The following FRMD4B variants were observed in gnomAD, a reference collection of about 807,000 sequenced individuals.
FRMD4B encodes FERM domain containing 4B, also known as FERM domain-containing protein 4B.
A neutral mutation model predicts 141.5 loss-of-function variants in FRMD4B; 74 were observed. The observed-to-expected ratio is 0.52, with a 90% CI of 0.43 to 0.63. The LOEUF is 0.63. FRMD4B is among the 30% of genes least tolerant of loss of function. The pLI is 0.00. For synonymous variants in FRMD4B, 506 were observed against 467.9 expected, an observed-to-expected ratio of 1.08 and a Z score of -1.05; for missense variants, 1,366 against 1,253.4, an observed-to-expected ratio of 1.09 and a Z score of -1.36.
chr3:69,245,317 T>TTGTG (rs67220182), intron 7 of FRMD4B, among the ~76,000 whole-genome samples: 1,493 of 143,052 alleles, frequency 0.01, 15 homozygotes, highest in Non-Finnish European at 0.018. Context: ...CTGACTTTCT[T>TTGTG]TGTGTGTGTG....
chr3:69,471,222 C>T lies in FRMD4B; in HGVS notation c.-128-38461G>A, dbSNP rs573270537. 3.9e-5 allele frequency among the ~76,000 whole-genome samples: 6 copies of T among 152,204 alleles called. No individual in the cohort carries two copies. The South Asian group carries it at 6.2e-4, about 16-fold the overall frequency. ...TATCTTTGTAATCAAATAGACCGGG[C>T]TAAGTCCCAGCCTCATTCCTTGTCA... is the stretch of plus-strand genomic sequence containing the variant. On this transcript the variant is annotated intron_variant, in intron 1 of 5. Transcript: ENST00000459638.
At chr3:69,243,429 A>T (rs891264957) in intron 7 of FRMD4B, among the ~76,000 whole-genome samples, 4 of 152,240 alleles carry the variant, frequency 2.6e-5, no homozygotes, top group Non-Finnish European at 5.9e-5. Context: ...AGGAGTATGC[A>T]CAGCAGAGAA....
intron 11 of FRMD4B, chr3:69,200,619 T>C (rs9868056): frequency 8.3e-7 from 1 of 1,209,228 alleles, no homozygotes; most frequent in Admixed American, 3.2e-5. Context: ...CCTCCCTAAT[T>C]CTACTCCTTC....
At chr3:69,176,431 CT>C (rs753789022) in intron 22 of FRMD4B, 92 bp downstream of exon 22, 1 of 1,119,520 alleles carries the variant, frequency 8.9e-7, no homozygotes, top group Non-Finnish European at 1.3e-6. Flanking sequence ...TTGCCAACCC[CT>C]GAACTAGATT....
rs1207255501 is a variant in FRMD4B at position 69,506,009 on chromosome 3, G to A, written c.-129+36197C>T. On this transcript the variant is annotated intron_variant, in intron 1 of 5. Transcript: ENST00000459638. ...TACAGCTGCGTTTAATCTTTCCAAC[G>A]CCTGAAAAATATTCGCTGAATGCTG... is the stretch of plus-strand genomic sequence containing the variant. Among the ~76,000 whole-genome samples, 3 of 152,134 alleles carry A rather than the reference G, an allele frequency of 2.0e-5. No homozygotes were observed. The East Asian group carries it at 5.8e-4, about 29-fold the overall frequency.
chr3:69,366,266 CA>C (rs1458399288), intron 1 of FRMD4B, among the ~76,000 whole-genome samples: 1 of 102,578 alleles, frequency 9.7e-6, no homozygotes, highest in Non-Finnish European at 2.0e-5. Context: ...TCTCAAAAAA[CA>C]AAAACAAAAA....
chr3:69,216,428 T>TC, intron 10 of FRMD4B, 79 bp from the exon 11 acceptor site: 1 of 524,912 alleles, frequency 1.9e-6, no homozygotes, highest in East Asian at 3.6e-5. Context: ...CAATTTCACC[T>TC]CTTTTTTTTT....
At chr3:69,429,196 T>C (rs967069714) in intron 2 of FRMD4B, among the ~76,000 whole-genome samples, 3 of 152,218 alleles carry the variant, frequency 2.0e-5, no homozygotes, top group Non-Finnish European at 2.9e-5. Flanking sequence ...ATTTTGCTAT[T>C]ATAACAATGC....
intron 1 of FRMD4B, among the ~76,000 whole-genome samples, chr3:69,452,813 G>A (rs1705521887): frequency 6.6e-6 from 1 of 152,144 alleles, no homozygotes; most frequent in Non-Finnish European, 1.5e-5. Flanking sequence ...CAAATGACAG[G>A]CACATGTATA....
In FRMD4B at chr3:69,293,108, A is replaced by T. The variant is rs1241829153; in HGVS notation, c.417-5272T>A. 12 of 412,118 alleles carry T rather than the reference A, an allele frequency of 2.9e-5. No homozygotes were observed. In the East Asian group the frequency reaches 8.6e-4, roughly 29 times the overall value. The allele number at this position is 412,118 out of a possible 1,614,324, so 25.5% of individuals were successfully genotyped here. ...AACCACTCATTAGTGATGACAGAAC[A>T]TTACACCACTGTGACATGACAAAGA... On this transcript the variant is annotated intron_variant, in intron 4 of 22. Transcript: ENST00000398540.
chr3:69,255,063 C>T (rs765222369), intron 5 of FRMD4B, among the ~76,000 whole-genome samples: 10 of 152,238 alleles, frequency 6.6e-5, no homozygotes, highest in Non-Finnish European at 1.0e-4. Flanking sequence ...GGAAATATTA[C>T]AAGGACGTTA....
At chr3:69,313,660 A>T in intron 1 of FRMD4B, 143 bp from the exon 2 acceptor site, 1 of 616,740 alleles carries the variant, frequency 1.6e-6, no homozygotes, top group Non-Finnish European at 2.9e-6. Flanking sequence ...TTGGCCAAAA[A>T]CAGATTTATT....
At chr3:69,210,707 C>T (rs961238678) in intron 11 of FRMD4B, among the ~76,000 whole-genome samples, 2 of 152,032 alleles carry the variant, frequency 1.3e-5, no homozygotes, top group Non-Finnish European at 2.9e-5. Context: ...CACACATCTC[C>T]GAAAACAGAA....
chr3:69,279,151 A>G (rs746554328), intron 5 of FRMD4B, among the ~76,000 whole-genome samples: 7 of 152,330 alleles, frequency 4.6e-5, no homozygotes, highest in Non-Finnish European at 8.8e-5. Context: ...CTTTTAGGCC[A>G]CAGGAAGGTA....
At chr3:69,307,780 A>C (rs1316529580) in intron 3 of FRMD4B, among the ~76,000 whole-genome samples, 1 of 152,152 alleles carries the variant, frequency 6.6e-6, no homozygotes, top group Non-Finnish European at 1.5e-5. Flanking sequence ...GTCTGCCACA[A>C]ACCTTGCAGT....
chr3:69,389,340 C>T (rs1363953654), upstream of FRMD4B, among the ~76,000 whole-genome samples: 1 of 152,144 alleles, frequency 6.6e-6, no homozygotes, highest in Admixed American at 6.5e-5. Flanking sequence ...CTTCTTAGTC[C>T]ACTCTCTATG....
chr3:69,389,929 GA>G (rs1051671686), upstream of FRMD4B, among the ~76,000 whole-genome samples: 1 of 150,150 alleles, frequency 6.7e-6, no homozygotes, highest in East Asian at 1.9e-4. Flanking sequence ...TTTAATTTAA[GA>G]AGAGGATTTT....
At chr3:69,412,048 C>G (rs1704770153) in intron 2 of FRMD4B, among the ~76,000 whole-genome samples, 1 of 152,216 alleles carries the variant, frequency 6.6e-6, no homozygotes, top group Non-Finnish European at 1.5e-5. Flanking sequence ...GTGCCAAGCA[C>G]TACTTTCAGC....
chr3:69,469,198 T>C (rs1705845819), intron 1 of FRMD4B, among the ~76,000 whole-genome samples: 1 of 152,158 alleles, frequency 6.6e-6, no homozygotes, highest in Non-Finnish European at 1.5e-5. Context: ...GCCGGTTCTA[T>C]TACTACAAGG....
Sources: allele counts gnomAD v4.1 joint callset (sites outside exome capture counted in the v4.1 genomes callset), GRCh38; gene constraint gnomAD v4.1.1; transcripts MANE v1.5; gene names NCBI Gene and HGNC (gene_info 2026-07-23, HGNC 2026-07-21).